The following ARLN variants were observed in gnomAD, a reference collection of about 807,000 sequenced individuals.
ARLN encodes sarcoplasmic/endoplasmic reticulum calcium ATPase regulator ARLN.
chr4:119,298,357 G>A, the ARLN span: 2 of 153,918 alleles, frequency 1.3e-5, no homozygotes, highest in African/African-American at 4.8e-5. Context: ...CCCTGCTTTT[G>A]AATAATTGAC....
chr4:119,300,837 A>T, the ARLN span: 11 of 1,433,188 alleles, frequency 7.7e-6, no homozygotes, highest in Non-Finnish European at 1.0e-5. Flanking sequence ...GTTTCGTTGG[A>T]AGAAATACGT....
the ARLN span, among the ~76,000 whole-genome samples, chr4:119,299,475 T>C: frequency 1.3e-5 from 2 of 152,236 alleles, no homozygotes; most frequent in African/African-American, 4.8e-5. Context: ...CTAGATGGGC[T>C]ACACTGCTCT....
the ARLN span, among the ~76,000 whole-genome samples, chr4:119,303,571 A>G: frequency 5.9e-5 from 9 of 152,086 alleles, no homozygotes; most frequent in Non-Finnish European, 1.3e-4. Flanking sequence ...TATATCTTCA[A>G]TAGTTTTCTT....
chr4:119,303,809 G>A, the ARLN span, among the ~76,000 whole-genome samples: 2 of 152,156 alleles, frequency 1.3e-5, no homozygotes. Flanking sequence ...ACTTGAGGTC[G>A]AGGCTGCAGT....
chr4:119,300,392 G>A, the ARLN span: 6 of 1,613,496 alleles, frequency 3.7e-6, no homozygotes, highest in South Asian at 5.5e-5. Context: ...TGAAAAGCCA[G>A]AGGTCCAACC....
the ARLN span, chr4:119,300,246 C>T: frequency 9.4e-7 from 1 of 1,059,256 alleles, no homozygotes; most frequent in Non-Finnish European, 1.4e-6. Context: ...CATATATAAA[C>T]TCTCTGGAAT....
the ARLN span, chr4:119,300,211 C>T: frequency 1.3e-6 from 1 of 776,376 alleles, no homozygotes; most frequent in East Asian, 2.5e-5. Context: ...CCGACTGCGC[C>T]ACTCACCAGC....
the ARLN span, among the ~76,000 whole-genome samples, chr4:119,303,616 G>A: frequency 6.6e-6 from 1 of 152,164 alleles, no homozygotes; most frequent in Non-Finnish European, 1.5e-5. Context: ...GGGCGCTGTT[G>A]TTCACACCTG....
At chr4:119,298,438 C>A in the ARLN span, 1 of 196,312 alleles carries the variant, frequency 5.1e-6, no homozygotes, top group East Asian at 1.2e-4. Flanking sequence ...CTGATCAACT[C>A]TTAAAACATT....
At chr4:119,304,245 C>T in the ARLN span, 1 of 1,528,726 alleles carries the variant, frequency 6.5e-7, no homozygotes, top group Non-Finnish European at 8.8e-7. Flanking sequence ...TCTAACATAC[C>T]AATTGTGAAA....
At chr4:119,303,065 A>G in the ARLN span, among the ~76,000 whole-genome samples, 1 of 152,134 alleles carries the variant, frequency 6.6e-6, no homozygotes, top group Non-Finnish European at 1.5e-5. Flanking sequence ...CTGGAAATAT[A>G]TGTGTTTATC....
chr4:119,301,874 A>G, the ARLN span, among the ~76,000 whole-genome samples: 2 of 152,216 alleles, frequency 1.3e-5, no homozygotes, highest in East Asian at 1.9e-4. Context: ...CTCCAAATCA[A>G]TTGCCAGGTT....
chr4:119,297,236 T>C, the ARLN span: 3 of 152,302 alleles, frequency 2.0e-5, no homozygotes, highest in South Asian at 6.2e-4. Flanking sequence ...TTGCTAACTT[T>C]ATAGTCAGCA....
chr4:119,300,396 T>A, the ARLN span: 1 of 1,612,868 alleles, frequency 6.2e-7, no homozygotes, highest in Non-Finnish European at 8.5e-7. Flanking sequence ...AAGCCAGAGG[T>A]CCAACCAGTA....
At chr4:119,300,780 G>A in the ARLN span, 2 of 1,452,128 alleles carry the variant, frequency 1.4e-6, no homozygotes, top group African/African-American at 1.4e-5. Flanking sequence ...CAATGGGCCC[G>A]CCTACTTCTG....
chr4:119,300,532 C>G, the ARLN span: 1 of 1,614,196 alleles, frequency 6.2e-7, no homozygotes, highest in Non-Finnish European at 8.5e-7. Context: ...GCGTCCACCT[C>G]CATCTCGCTC....
At chr4:119,300,511 C>G in the ARLN span, 13 of 1,614,042 alleles carry the variant, frequency 8.1e-6, no homozygotes. Context: ...TCTCGACCAT[C>G]AACACCCGGT....
chr4:119,302,398 C>T, the ARLN span, among the ~76,000 whole-genome samples: 2 of 152,156 alleles, frequency 1.3e-5, no homozygotes, highest in Non-Finnish European at 2.9e-5. Flanking sequence ...TTGTAAAAGT[C>T]CCACTGATTG....
the ARLN span, among the ~76,000 whole-genome samples, chr4:119,299,425 C>T: frequency 6.6e-6 from 1 of 152,320 alleles, no homozygotes; most frequent in Non-Finnish European, 1.5e-5. Context: ...AAGGAGTTAA[C>T]AGTGAGTGAA....
Sources: allele counts gnomAD v4.1 joint callset (sites outside exome capture counted in the v4.1 genomes callset), GRCh38; gene constraint gnomAD v4.1.1; transcripts MANE v1.5; gene names NCBI Gene and HGNC (gene_info 2026-07-23, HGNC 2026-07-21).